Variants in MEGF11 observed in about 807,000 individuals in gnomAD.
MEGF11 encodes the protein multiple EGF like domains 11, also known as multiple epidermal growth factor-like domains protein 11.
In MEGF11, 126 loss-of-function variants were observed where a neutral mutation model predicts 146.6. That is an observed-to-expected ratio of 0.86 (90% CI 0.74 to 1.00). The LOEUF (loss-of-function observed/expected upper bound fraction) is 1.00. Ranked by LOEUF, MEGF11 falls within the 50% of genes least tolerant of loss-of-function variation. MEGF11 has a pLI of 0.00. For missense variants in MEGF11, 1,509 were observed against 1,521.2 expected (o/e 0.99, Z 0.13); for synonymous variants, 532 against 583.4 (o/e 0.91, Z 1.27).
intron 9 of MEGF11, among the ~76,000 whole-genome samples, chr15:65,962,062 G>T (rs995204848): frequency 4.6e-5 from 7 of 152,170 alleles, no homozygotes; most frequent in African/African-American, 1.7e-4. Context: ...ACAGAGATAG[G>T]TTTGAGGGCA....
chr15:65,941,148 A>T (rs1190744413), intron 10 of MEGF11, among the ~76,000 whole-genome samples: 1 of 152,128 alleles, frequency 6.6e-6, no homozygotes, highest in African/African-American at 2.4e-5. Flanking sequence ...GGGTGCAGTG[A>T]CTCATGCCTG....
In MEGF11 at chr15:65,980,826, G is replaced by C; in HGVS notation, c.714C>G (p.Gly238=). The change falls in exon 7 of 26, where the codon GGC becomes GGG. Residue 238 remains glycine (G), a synonymous_variant. Transcript: ENST00000395614. ...CELRCPCQNG[G]TCHHITGECA... Reference sequence around the variant, plus strand: ...ACTCGCCAGTGATGTGGTGGCAGGTGCCCCCATTCTGACAGGGGCAGCGCA... The same window carrying C: ...ACTCGCCAGTGATGTGGTGGCAGGTCCCCCCATTCTGACAGGGGCAGCGCA... 1.2e-6 allele frequency: 2 copies of C among 1,604,488 alleles called. No individual in the cohort carries two copies. The highest frequency in any genetic ancestry group is 1.7e-6 in the Non-Finnish European group (2 of 1,176,186).
At chr15:66,115,248 C>A (rs111329347) in intron 4 of MEGF11, among the ~76,000 whole-genome samples, 1 of 152,202 alleles carries the variant, frequency 6.6e-6, no homozygotes, top group African/African-American at 2.4e-5. Context: ...GGCCTCTGAG[C>A]GATCTGGAGA....
intron 1 of MEGF11, among the ~76,000 whole-genome samples, chr15:66,146,947 G>T (rs577294927): frequency 3.3e-5 from 5 of 152,086 alleles, no homozygotes; most frequent in Non-Finnish European, 7.4e-5. Context: ...TTCCCATAAT[G>T]CCCCCACTTG....
At chr15:66,055,891 C>T (rs1000726129) in intron 5 of MEGF11, among the ~76,000 whole-genome samples, 5 of 152,074 alleles carry the variant, frequency 3.3e-5, no homozygotes, top group Admixed American at 3.3e-4. Context: ...AAAGAAGCCC[C>T]GAATTCCAGA....
At chr15:66,007,319 C>T (rs1424030742) in intron 5 of MEGF11, among the ~76,000 whole-genome samples, 2 of 152,200 alleles carry the variant, frequency 1.3e-5, no homozygotes, top group African/African-American at 4.8e-5. Context: ...ACATTTATAC[C>T]ACATAGCATA....
chr15:66,070,179 G>T (rs949778779), intron 5 of MEGF11, among the ~76,000 whole-genome samples: 1 of 152,216 alleles, frequency 6.6e-6, no homozygotes, highest in East Asian at 1.9e-4. Flanking sequence ...TGCCCCACAG[G>T]CAATGAGGAC....
At chr15:66,206,439 G>T (rs980043412) in intron 1 of MEGF11, among the ~76,000 whole-genome samples, 6 of 152,204 alleles carry the variant, frequency 3.9e-5, no homozygotes, top group Admixed American at 6.5e-5. Context: ...AGATTCAGAA[G>T]CAAACCCCTA....
intron 4 of MEGF11, among the ~76,000 whole-genome samples, chr15:66,106,743 A>G (rs966189783): frequency 2.0e-5 from 3 of 152,122 alleles, no homozygotes; most frequent in Non-Finnish European, 4.4e-5. Context: ...TCCCATATGC[A>G]CCACGTGGAC....
At chr15:65,904,120 C>A (rs190129058) in intron 24 of MEGF11, among the ~76,000 whole-genome samples, 18 of 152,332 alleles carry the variant, frequency 1.2e-4, no homozygotes, top group Admixed American at 4.6e-4. Context: ...CCACCCTAAT[C>A]AATGTACAGG....
In MEGF11 at chr15:65,943,006, A is replaced by G. The variant is rs113415085; in HGVS notation, c.1288-12063T>C. 4.0e-3 allele frequency among the ~76,000 whole-genome samples: 376 copies of G among 93,360 alleles called. 3 individuals are homozygous for G. Among genetic ancestry groups the G allele is most frequent in the African/African-American group, 0.014 (366 of 25,648 alleles). 61.2% of individuals were successfully genotyped at this position (93,360 alleles called of 152,430 possible). On this transcript the variant is annotated intron_variant, in intron 10 of 25. Coordinates refer to ENST00000395614, the MANE Select transcript of MEGF11 (RefSeq NM_001385028.1). ...TTTTTTTTTTTTTTTTTTTTTTTTAACACGGAGTTTTGCTCTTTTGCCCAG... is the reference window on the plus strand; with the variant it reads ...TTTTTTTTTTTTTTTTTTTTTTTTAGCACGGAGTTTTGCTCTTTTGCCCAG...
At chr15:66,120,953 A>G (rs979479045) in intron 3 of MEGF11, among the ~76,000 whole-genome samples, 3 of 152,178 alleles carry the variant, frequency 2.0e-5, no homozygotes, top group African/African-American at 7.2e-5. Flanking sequence ...TTGGAAAGCA[A>G]GAGAGGGAAG....
intron 5 of MEGF11, among the ~76,000 whole-genome samples, chr15:66,079,787 G>T (rs1391135994): frequency 1.3e-5 from 2 of 152,150 alleles, no homozygotes; most frequent in Non-Finnish European, 2.9e-5. Flanking sequence ...GAACATGAGT[G>T]GGTGGAGGGT....
At chr15:65,925,156 A>G (rs2079328393) in intron 13 of MEGF11, among the ~76,000 whole-genome samples, 1 of 152,196 alleles carries the variant, frequency 6.6e-6, no homozygotes, top group Non-Finnish European at 1.5e-5. Flanking sequence ...GTGTATGTGA[A>G]AGCACCACTG....
At chr15:66,020,771 T>C (rs1470150551) in intron 5 of MEGF11, among the ~76,000 whole-genome samples, 2 of 152,058 alleles carry the variant, frequency 1.3e-5, no homozygotes, top group Non-Finnish European at 2.9e-5. Flanking sequence ...GGTAGGCGGA[T>C]CACGAGGTCA....
intron 5 of MEGF11, among the ~76,000 whole-genome samples, chr15:66,069,591 C>T (rs2085281875): frequency 2.6e-5 from 4 of 152,190 alleles, no homozygotes; most frequent in Non-Finnish European, 2.9e-5. Context: ...TAGGACCATC[C>T]TGCCTCCAGA....
At chr15:65,906,881 C>T (rs2078645829) in intron 23 of MEGF11, among the ~76,000 whole-genome samples, 1 of 152,292 alleles carries the variant, frequency 6.6e-6, no homozygotes, top group South Asian at 2.1e-4. Flanking sequence ...TTTCGGCTGT[C>T]AGTTTTTTCC....
At chr15:65,923,839 A>C (rs1452115652) in intron 13 of MEGF11, among the ~76,000 whole-genome samples, 1 of 152,152 alleles carries the variant, frequency 6.6e-6, no homozygotes, top group Non-Finnish European at 1.5e-5. Context: ...GAAGGTGAAG[A>C]AGGAATTTTA....
In MEGF11 at chr15:66,074,654, G is replaced by C. The variant is rs148769496; in HGVS notation, c.394+19748C>G. On this transcript the variant is annotated intron_variant, in intron 5 of 25. Transcript: ENST00000395614. ...GACATGAAATGAATTTATGAATCTA[G>C]GTTGTGGTAGAAAAAAGATTTGAGA... 1.4e-3 allele frequency among the ~76,000 whole-genome samples: 219 copies of C among 152,328 alleles called. 1 individual carries two copies. The highest frequency in any genetic ancestry group is 7.7e-3 in the South Asian group (37 of 4,820).
Sources: gnomAD v4.1 joint callset for allele counts (sites outside exome capture counted in the v4.1 genomes callset) on GRCh38, gnomAD v4.1.1 for gene constraint, MANE v1.5 for transcripts, NCBI Gene and HGNC (gene_info 2026-07-23, HGNC 2026-07-21) for gene names.